FOXN3: variants seen among roughly 807,000 people sequenced by gnomAD.
The protein encoded by FOXN3 is forkhead box protein N3.
Under a neutral mutation model 38.4 loss-of-function variants are expected in FOXN3, and 7 were observed. That is an observed-to-expected ratio of 0.18 (90% confidence interval 0.10 to 0.34). The LOEUF (loss-of-function observed/expected upper bound fraction) is 0.34, where lower values mean the gene tolerates loss of function less well. Ranked by LOEUF, FOXN3 falls within the 10% of genes least tolerant of loss-of-function variation. The pLI is 1.00. For missense variants in FOXN3, 456 were observed against 613.4 expected, an observed-to-expected ratio of 0.74 and a Z score of 2.71; for synonymous variants, 230 against 242.2, an observed-to-expected ratio of 0.95 and a Z score of 0.47.
At chr14:89,505,929 G>A (rs1401306083) in intron 1 of FOXN3, among the ~76,000 whole-genome samples, 2 of 141,942 alleles carry the variant, frequency 1.4e-5, no homozygotes, top group African/African-American at 5.3e-5. Flanking sequence ...CGGCCGCCCC[G>A]TCTGAGAAGT....
At chr14:89,452,085 C>T (rs760066732) in intron 1 of FOXN3, among the ~76,000 whole-genome samples, 7 of 152,232 alleles carry the variant, frequency 4.6e-5, no homozygotes, top group South Asian at 2.1e-4. Flanking sequence ...CAGTATCTTA[C>T]GTTCATACTA....
At chr14:89,368,362 G>A (rs574167590) in intron 2 of FOXN3, among the ~76,000 whole-genome samples, 1 of 151,422 alleles carries the variant, frequency 6.6e-6, no homozygotes, top group Admixed American at 6.6e-5. Context: ...CGAATCCCTG[G>A]CCAGGCACAG....
At chr14:89,218,500 G>A (rs1156924167) in intron 4 of FOXN3, among the ~76,000 whole-genome samples, 2 of 152,176 alleles carry the variant, frequency 1.3e-5, no homozygotes, top group African/African-American at 2.4e-5. Context: ...TGAGTATTAA[G>A]TTTGTGTGTG....
chr14:89,505,673 T>C (rs1161289709), intron 1 of FOXN3, among the ~76,000 whole-genome samples: 3 of 152,058 alleles, frequency 2.0e-5, no homozygotes, highest in African/African-American at 4.8e-5. Context: ...AGTGCCGAGA[T>C]TGCAGCCTCT....
At chr14:89,338,526 G>A (rs1888528467) in intron 3 of FOXN3, among the ~76,000 whole-genome samples, 1 of 152,198 alleles carries the variant, frequency 6.6e-6, no homozygotes, top group African/African-American at 2.4e-5. Flanking sequence ...GGGCGCGGTG[G>A]CTCACGCCTG....
intron 1 of FOXN3, among the ~76,000 whole-genome samples, chr14:89,516,494 A>G (rs544830859): frequency 6.6e-6 from 1 of 151,908 alleles, no homozygotes; most frequent in East Asian, 1.9e-4. Flanking sequence ...AAAACACATG[A>G]TATTTAGTGA....
chr14:89,196,662 T>C (rs1359401656), intron 4 of FOXN3, among the ~76,000 whole-genome samples: 5 of 152,158 alleles, frequency 3.3e-5, no homozygotes, highest in African/African-American at 1.2e-4. Context: ...GCTGGGAGAA[T>C]ACACTATTGC....
intron 4 of FOXN3, among the ~76,000 whole-genome samples, chr14:89,251,641 T>C (rs1885459884): frequency 6.6e-6 from 1 of 152,244 alleles, no homozygotes; most frequent in Non-Finnish European, 1.5e-5. Context: ...ATCAAGTACT[T>C]AAATTTAAAA....
At chr14:89,385,399 C>G (rs1269714410) in intron 2 of FOXN3, among the ~76,000 whole-genome samples, 2 of 149,034 alleles carry the variant, frequency 1.3e-5, no homozygotes, top group Non-Finnish European at 3.0e-5. Flanking sequence ...CCATCAACTT[C>G]AGAGAGGAAA....
intron 2 of FOXN3, among the ~76,000 whole-genome samples, chr14:89,398,529 A>G (rs1266910852): frequency 6.6e-6 from 1 of 152,166 alleles, no homozygotes. Flanking sequence ...CTTGGAATGA[A>G]AGAAAGATGA....
intron 4 of FOXN3, among the ~76,000 whole-genome samples, chr14:89,253,214 T>A (rs1446134818): frequency 6.6e-6 from 1 of 152,182 alleles, no homozygotes; most frequent in Admixed American, 6.5e-5. Flanking sequence ...GGAGGGAGCC[T>A]GAGTTTGGAA....
At chr14:89,376,551 C>T (rs1706212932) in intron 2 of FOXN3, among the ~76,000 whole-genome samples, 2 of 152,090 alleles carry the variant, frequency 1.3e-5, no homozygotes, top group African/African-American at 4.8e-5. Flanking sequence ...ACACAGTGCC[C>T]AAGTATCTCT....
intron 1 of FOXN3, among the ~76,000 whole-genome samples, chr14:89,560,704 A>G (rs1427737982): frequency 6.6e-6 from 1 of 152,260 alleles, no homozygotes; most frequent in African/African-American, 2.4e-5. Context: ...GTCTCTGAGG[A>G]TATTCAAAAG....
chr14:89,456,549 T>C (rs1469289302), intron 1 of FOXN3, among the ~76,000 whole-genome samples: 2 of 151,352 alleles, frequency 1.3e-5, no homozygotes, highest in Non-Finnish European at 1.5e-5. Context: ...AGACCAAGAG[T>C]TCAAGACCAG....
Position 89,507,098 on chromosome 14 carries a change from C to T in FOXN3, c.-14-94608G>A, listed in dbSNP as rs369238483. On this transcript the variant is annotated intron_variant, in intron 1 of 6. Transcript: ENST00000345097. ...TATGACCCTGCCAAATCCCCCTCTG[C>T]GAGAAACACCCAAGAATGATCAATA... Among the ~76,000 whole-genome samples, 29 of 142,098 alleles carry T rather than the reference C, an allele frequency of 2.0e-4. No individual in the cohort carries two copies. In the East Asian group the frequency reaches 4.2e-3, roughly 21 times the overall value. 93.2% of individuals were successfully genotyped at this position (142,098 alleles called of 152,430 possible). A position where few individuals can be genotyped will look rare whatever the true frequency, so the allele number is the denominator to read the frequency against.
rs559117912 is a variant in FOXN3 at position 89,347,728 on chromosome 14, C to T, written c.680+2944G>A. Among the ~76,000 whole-genome samples the T allele has an allele frequency of 4.3e-3, 654 of 152,170 alleles. 10 individuals are homozygous for T. Among genetic ancestry groups the T allele is most frequent in the African/African-American group, 0.015 (609 of 41,512 alleles). ...CAGCACTTTGGGAGGCCGAGGCGGG[C>T]GGATCATGAGTTCAAGAGATTGAGA... On this transcript the variant is annotated intron_variant, in intron 3 of 5. Transcript: ENST00000557258.
intron 5 of FOXN3, among the ~76,000 whole-genome samples, chr14:89,167,169 T>C (rs1442106194): frequency 6.6e-6 from 1 of 152,264 alleles, no homozygotes; most frequent in Non-Finnish European, 1.5e-5. Flanking sequence ...GTACTCATTC[T>C]CTTGTCAAAT....
intron 1 of FOXN3, among the ~76,000 whole-genome samples, chr14:89,432,439 A>C (rs1892178954): frequency 6.6e-6 from 1 of 152,222 alleles, no homozygotes; most frequent in South Asian, 2.1e-4. Context: ...TAAAACATGC[A>C]TAACAACAAA....
At chr14:89,376,093 GT>G (rs1890470565) in intron 2 of FOXN3, among the ~76,000 whole-genome samples, 4 of 152,066 alleles carry the variant, frequency 2.6e-5, no homozygotes, top group Admixed American at 2.6e-4. Flanking sequence ...TCCAGTTTCA[GT>G]TTTTAAATAC....
Sources: allele counts gnomAD v4.1 joint callset (sites outside exome capture counted in the v4.1 genomes callset), GRCh38; gene constraint gnomAD v4.1.1; transcripts MANE v1.5; gene names NCBI Gene and HGNC (gene_info 2026-07-23, HGNC 2026-07-21).